The following FNBP1L variants were observed in gnomAD, a reference collection of about 807,000 sequenced individuals.
The protein encoded by FNBP1L is formin binding protein 1 like.
Under a neutral mutation model 91.2 loss-of-function variants are expected in FNBP1L, and 36 were observed. That is an observed-to-expected ratio of 0.39 (90% CI 0.30 to 0.52). FNBP1L has a LOEUF of 0.52. Ranked by LOEUF, FNBP1L falls within the 20% of genes least tolerant of loss-of-function variation. The pLI, the probability that FNBP1L is intolerant of heterozygous loss-of-function variation, is 0.66. For synonymous variants in FNBP1L, 242 were observed against 237.0 expected (o/e 1.02, Z -0.19); for missense variants, 571 against 732.1 (o/e 0.78, Z 2.54).
In FNBP1L at chr1:93,485,300, T is replaced by A. The variant is rs564425468; in HGVS notation, c.25-14168T>A. Among the ~76,000 whole-genome samples the A allele has an allele frequency of 5.3e-5, 8 of 152,326 alleles. No individual in the cohort carries two copies. In the South Asian group the frequency reaches 1.7e-3, roughly 32 times the overall value. ...TCACACAACAGATATGCTCTGATAG[T>A]TTGTAAATTTATTTTGGATTAATCA... On this transcript the variant is annotated intron_variant, in intron 1 of 16. Coordinates refer to ENST00000271234, the MANE Select transcript of FNBP1L (RefSeq NM_001164473.3).
rs1672342357 is a variant in FNBP1L, at chr1:93,549,555, AG to A, written c.1651+130del. ...CAGAAAATTATTATCCCATTTCTTT[AG>A]TATGCATACTTTTGTTATAACTGTA... On this transcript the variant is annotated intron_variant, in intron 15 of 16. Coordinates refer to ENST00000271234, the MANE Select transcript of FNBP1L (RefSeq NM_001164473.3). 4 of 701,968 alleles carry A rather than the reference AG, an allele frequency of 5.7e-6. No individual in the cohort carries two copies. The South Asian group carries it at 1.1e-4, about 20-fold the overall frequency. 43.5% of individuals were successfully genotyped at this position (701,968 alleles called of 1,614,324 possible).
intron 2 of FNBP1L, among the ~76,000 whole-genome samples, chr1:93,500,303 G>T (rs990981231): frequency 2.6e-5 from 4 of 152,056 alleles, no homozygotes; most frequent in Admixed American, 2.0e-4. Flanking sequence ...TAATCTTCAG[G>T]CCCCATTTCT....
intron 1 of FNBP1L, among the ~76,000 whole-genome samples, chr1:93,453,339 C>T (rs557415715): frequency 2.6e-5 from 4 of 152,140 alleles, no homozygotes; most frequent in Non-Finnish European, 5.9e-5. Context: ...AGAGAGCTGC[C>T]TCTAACCAGT....
intron 1 of FNBP1L, among the ~76,000 whole-genome samples, chr1:93,474,175 G>A (rs1456915137): frequency 2.0e-5 from 3 of 152,240 alleles, no homozygotes; most frequent in South Asian, 4.1e-4. Flanking sequence ...ACCGGAAGGC[G>A]GAGGTTGCAG....
chr1:93,516,560 G>A (rs1208709299), intron 2 of FNBP1L, among the ~76,000 whole-genome samples: 5 of 152,130 alleles, frequency 3.3e-5, no homozygotes, highest in African/African-American at 9.7e-5. Context: ...TCACGCTTGT[G>A]ATCCCAGCGC....
chr1:93,459,149 C>T (rs1351252342), intron 1 of FNBP1L, among the ~76,000 whole-genome samples: 2 of 152,124 alleles, frequency 1.3e-5, no homozygotes, highest in Non-Finnish European at 2.9e-5. Context: ...GTGGCATGCA[C>T]CTGTAATCCC....
intron 1 of FNBP1L, among the ~76,000 whole-genome samples, chr1:93,493,723 T>C (rs937980815): frequency 1.3e-5 from 2 of 152,210 alleles, no homozygotes; most frequent in African/African-American, 4.8e-5. Flanking sequence ...CTGAATAATA[T>C]TAATTGTATT....
At chr1:93,544,274 G>A (rs760527885) in intron 12 of FNBP1L, 58 bp downstream of exon 12, 54 of 1,176,842 alleles carry the variant, frequency 4.6e-5, no homozygotes, top group Non-Finnish European at 6.1e-5. Flanking sequence ...TTTGAGTGAC[G>A]CCCTTAAATG....
intron 1 of FNBP1L, among the ~76,000 whole-genome samples, chr1:93,498,926 C>A (rs1445686506): frequency 1.3e-5 from 2 of 152,084 alleles, no homozygotes; most frequent in Admixed American, 1.3e-4. Flanking sequence ...AATGGCAGAT[C>A]CCAGAATTTG....
chr1:93,468,773 G>T (rs1219600050), intron 1 of FNBP1L, among the ~76,000 whole-genome samples: 2 of 151,792 alleles, frequency 1.3e-5, no homozygotes, highest in African/African-American at 4.8e-5. Flanking sequence ...CTTTCTCTTG[G>T]GTATATACTT....
Position 93,534,815 on chromosome 1 carries a change from C to G in FNBP1L, c.897C>G (p.Ile299Met), listed in dbSNP as rs1671792863. 2 of 1,575,228 alleles carry G rather than the reference C, an allele frequency of 1.3e-6. No individual in the cohort carries two copies. ...ATAGAACCATTTCTGATGGGACTAT[C>G]AGTGCATCCAAACAGGAGAGTGGGA... ...HIYRTISDGTISASKQESGKM... is the reference protein window; with the variant it reads ...HIYRTISDGTMSASKQESGKM... Residue 299 changes from isoleucine to methionine, a missense_variant, in exon 9 of 17, where the codon ATC becomes ATG. Transcript: ENST00000271234.
intron 11 of FNBP1L, among the ~76,000 whole-genome samples, chr1:93,543,609 A>G (rs1200819230): frequency 6.6e-6 from 1 of 152,138 alleles, no homozygotes; most frequent in East Asian, 1.9e-4. Flanking sequence ...TTGTGAGGTA[A>G]GTTTCTTAAT....
intron 2 of FNBP1L, among the ~76,000 whole-genome samples, chr1:93,509,336 C>T (rs1670738728): frequency 6.6e-6 from 1 of 152,176 alleles, no homozygotes; most frequent in Non-Finnish European, 1.5e-5. Context: ...AATGAGGGAG[C>T]CCAGAGGGTT....
At chr1:93,530,910 A>G in intron 7 of FNBP1L, 27 bp downstream of exon 7, 1 of 1,495,190 alleles carries the variant, frequency 6.7e-7, no homozygotes, top group Non-Finnish European at 9.0e-7. Context: ...AAGTTAATCT[A>G]GTTTTAGATT....
Position 93,547,388 on chromosome 1 carries a change from A to T in FNBP1L, c.1449A>T (p.Gly483=). Residue 483 remains glycine (G), a synonymous_variant, in exon 14 of 17, where the codon GGA becomes GGT. Coordinates refer to ENST00000271234, the MANE Select transcript of FNBP1L (RefSeq NM_001164473.3). ...TCGAAGGCAAAACAGGTGGGAGAGG[A>T]GACAGAAGACATAGCAGTGACATAA... ...SEVEGKTGGR[G]DRRHSSDINH... 1 of 1,562,388 alleles carries T rather than the reference A, an allele frequency of 6.4e-7. No individual in the cohort carries two copies. Among genetic ancestry groups the T allele is most frequent in the East Asian group, 2.4e-5 (1 of 42,058 alleles).
intron 16 of FNBP1L, chr1:93,551,830 C>T: frequency 2.0e-6 from 2 of 985,366 alleles, no homozygotes; most frequent in Non-Finnish European, 2.4e-6. Context: ...TTACAAGCTT[C>T]CTTCCAAACT....
chr1:93,459,391 A>G (rs780650672), intron 1 of FNBP1L, among the ~76,000 whole-genome samples: 2 of 152,026 alleles, frequency 1.3e-5, no homozygotes, highest in Non-Finnish European at 2.9e-5. Context: ...CAAGAAAACA[A>G]CTTGATTAAA....
chr1:93,498,368 G>C (rs987815432), intron 1 of FNBP1L, among the ~76,000 whole-genome samples: 10 of 152,220 alleles, frequency 6.6e-5, no homozygotes, highest in Admixed American at 4.6e-4. Context: ...TATGCAGATT[G>C]AGTTTACTGA....
chr1:93,503,250 G>A (rs886219708), intron 2 of FNBP1L, among the ~76,000 whole-genome samples: 1 of 152,046 alleles, frequency 6.6e-6, no homozygotes, highest in Non-Finnish European at 1.5e-5. Context: ...AAGCGAAGGG[G>A]GAATCCCACT....
Sources: gnomAD v4.1 joint callset for allele counts (sites outside exome capture counted in the v4.1 genomes callset) on GRCh38, gnomAD v4.1.1 for gene constraint, MANE v1.5 for transcripts, NCBI Gene and HGNC (gene_info 2026-07-23, HGNC 2026-07-21) for gene names.